Variants in PARD3B observed in about 807,000 individuals in gnomAD.
PARD3B encodes the protein partitioning defective 3 homolog B.
Under a neutral mutation model 130.2 loss-of-function variants are expected in PARD3B, and 103 were observed. The ratio of observed to expected loss-of-function variants is 0.79; its 90% CI spans 0.67 to 0.93. The LOEUF is 0.93. PARD3B is among the 40% of genes least tolerant of loss of function. The pLI is 0.00. For missense variants in PARD3B, 1,609 were observed against 1,499.2 expected, an observed-to-expected ratio of 1.07 and a Z score of -1.21; for synonymous variants, 583 against 553.2, an observed-to-expected ratio of 1.05 and a Z score of -0.76.
chr2:205,511,509 A>G (rs916029832), intron 21 of PARD3B, among the ~76,000 whole-genome samples: 7 of 152,204 alleles, frequency 4.6e-5, no homozygotes, highest in African/African-American at 1.7e-4. Context: ...CCAAATTCCA[A>G]CTTCTACAAT....
chr2:205,178,176 A>AAAAAAAG (rs1395415728), intron 13 of PARD3B, among the ~76,000 whole-genome samples: 1 of 145,914 alleles, frequency 6.9e-6, no homozygotes, highest in Non-Finnish European at 1.5e-5. Flanking sequence ...AAAAAAAAAA[A>AAAAAAAG]AATTAGTCTG....
At chr2:205,559,886 A>G (rs1347293680) in intron 22 of PARD3B, among the ~76,000 whole-genome samples, 2 of 152,178 alleles carry the variant, frequency 1.3e-5, no homozygotes, top group Non-Finnish European at 2.9e-5. Context: ...GGCGTGAGCC[A>G]CCGCACCCAG....
intron 3 of PARD3B, among the ~76,000 whole-genome samples, chr2:205,037,273 A>G (rs546733391): frequency 8.9e-4 from 130 of 145,344 alleles, no homozygotes; most frequent in African/African-American, 3.1e-3. Context: ...GACTATTTGT[A>G]TAAAATATAT....
At chr2:205,422,358 G>T (rs922781636) in intron 19 of PARD3B, among the ~76,000 whole-genome samples, 1 of 152,198 alleles carries the variant, frequency 6.6e-6, no homozygotes, top group African/African-American at 2.4e-5. Context: ...TTATCTAAGT[G>T]TTAAAGGAAG....
At chr2:205,006,286 C>T (rs1343882499) in intron 3 of PARD3B, among the ~76,000 whole-genome samples, 1 of 152,086 alleles carries the variant, frequency 6.6e-6, no homozygotes, top group East Asian at 1.9e-4. Context: ...TGTATATGTG[C>T]CTTTTTCATG....
rs2040595291 is a variant in PARD3B, at chr2:205,268,412, G to A, written c.2185+22590G>A. ...ACACTGAACAAAAGAATTGTTAGAG[G>A]TTTGAGGTAAAAGATCGTGGCAGAA... On this transcript the variant is annotated intron_variant, in intron 16 of 22. Transcript: ENST00000406610. The surrounding 1 kb of genome is among the most constrained non-coding windows in gnomAD (Gnocchi z 4.1). Among the ~76,000 whole-genome samples the A allele has an allele frequency of 6.6e-6, 1 of 152,162 alleles. No individual in the cohort carries two copies. The highest frequency in any genetic ancestry group is 1.5e-5 in the Non-Finnish European group (1 of 68,026).
chr2:205,086,754 A>C (rs561550835), intron 4 of PARD3B, among the ~76,000 whole-genome samples: 8 of 152,204 alleles, frequency 5.3e-5, no homozygotes, highest in Non-Finnish European at 1.2e-4. Flanking sequence ...ATTTAGGGCC[A>C]GCCCCCTGCT....
At chr2:204,676,460 T>C (rs1201560161) in intron 1 of PARD3B, among the ~76,000 whole-genome samples, 1 of 151,988 alleles carries the variant, frequency 6.6e-6, no homozygotes, top group Non-Finnish European at 1.5e-5. Flanking sequence ...CAGCAGAGAT[T>C]TCCTCTTTCA....
intron 18 of PARD3B, among the ~76,000 whole-genome samples, chr2:205,347,434 T>C (rs1238618931): frequency 6.6e-6 from 1 of 152,248 alleles, no homozygotes; most frequent in Non-Finnish European, 1.5e-5. Context: ...CTAACCTTTA[T>C]ATGAATACCC....
chr2:205,020,855 G>A (rs369297002), intron 3 of PARD3B, among the ~76,000 whole-genome samples: 12 of 152,198 alleles, frequency 7.9e-5, no homozygotes, highest in African/African-American at 2.9e-4. Context: ...ATCAGAGACA[G>A]GCAAAGTCAA....
At position 205,327,319 on chromosome 2, in the gene PARD3B, C is replaced by T. The variant is rs534714988; in HGVS notation, c.2630+25618C>T. 3.9e-5 allele frequency among the ~76,000 whole-genome samples: 6 copies of T among 152,300 alleles called. No homozygotes were observed. In the East Asian group the frequency reaches 5.8e-4, roughly 15 times the overall value. On this transcript the variant is annotated intron_variant, in intron 18 of 22. Coordinates refer to ENST00000406610, the MANE Select transcript of PARD3B (RefSeq NM_001302769.2). ...TTCATTTTTATCGCTAACGGGGACA[C>T]ACCTGTTCCTAATGCTACCTAAGAT...
intron 2 of PARD3B, among the ~76,000 whole-genome samples, chr2:204,935,357 GTC>G (rs1559276014): frequency 4.3e-5 from 6 of 138,640 alleles, no homozygotes; most frequent in Non-Finnish European, 7.8e-5. Flanking sequence ...GTGAAACCCT[GTC>G]TCTACTAAAA....
intron 10 of PARD3B, among the ~76,000 whole-genome samples, chr2:205,152,022 C>T (rs1485143582): frequency 2.6e-5 from 4 of 152,126 alleles, no homozygotes; most frequent in Admixed American, 6.5e-5. Context: ...ACTTATGAAG[C>T]TTAGTTTGGC....
At chr2:204,667,658 G>T (rs1231477015) in intron 1 of PARD3B, among the ~76,000 whole-genome samples, 1 of 152,130 alleles carries the variant, frequency 6.6e-6, no homozygotes, top group Non-Finnish European at 1.5e-5. Context: ...TTGTGTGCAT[G>T]TGAATGTGTG....
Position 205,187,173 on chromosome 2 carries a change from A to C in PARD3B, c.2024+1310A>C, listed in dbSNP as rs979615454. Among the ~76,000 whole-genome samples, 2 of 152,214 alleles carry C rather than the reference A, an allele frequency of 1.3e-5. No individual in the cohort carries two copies. Among genetic ancestry groups the C allele is most frequent in the African/African-American group, 2.4e-5 (1 of 41,456 alleles). ...GGGAAAATACTATGGTAAAAGTGTC[A>C]TTTGAGCTGAACCCTAACTCATGAA... On this transcript the variant is annotated intron_variant, in intron 14 of 22. Transcript: ENST00000406610. The surrounding 1 kb of genome is among the most constrained non-coding windows in gnomAD (Gnocchi z 4.9).
intron 3 of PARD3B, among the ~76,000 whole-genome samples, chr2:204,980,171 C>T (rs1692541697): frequency 6.6e-6 from 1 of 152,182 alleles, no homozygotes; most frequent in Admixed American, 6.5e-5. Flanking sequence ...AGAACCCTAA[C>T]AGGCACTTCA....
rs1427261305 is a variant in PARD3B, at chr2:205,473,456, C to T, written c.3045-26440C>T. Reference sequence around the variant, plus strand: ...TAAATGTTAACTCTCTTATTAAGCTCCATTAAAGGGTTTTACAATACCAAA... The same window carrying T: ...TAAATGTTAACTCTCTTATTAAGCTTCATTAAAGGGTTTTACAATACCAAA... On this transcript the variant is annotated intron_variant, in intron 20 of 22. Transcript: ENST00000406610. This position sits in a 1 kb window ranked among gnomAD's most constrained non-coding sequence, Gnocchi z 4.9. 1.3e-5 allele frequency among the ~76,000 whole-genome samples: 2 copies of T among 151,822 alleles called. No individual in the cohort carries two copies. Among genetic ancestry groups the T allele is most frequent in the Admixed American group, 6.6e-5 (1 of 15,220 alleles).
chr2:205,512,221 T>C (rs538324712), intron 21 of PARD3B, among the ~76,000 whole-genome samples: 1 of 152,356 alleles, frequency 6.6e-6, no homozygotes, highest in East Asian at 1.9e-4. Context: ...TATTTCATTC[T>C]GAGCCTTGAA....
chr2:205,375,324 C>G (rs10202921), intron 18 of PARD3B, among the ~76,000 whole-genome samples: 12,899 of 152,144 alleles, frequency 0.085, 1,749 homozygotes, highest in African/African-American at 0.29. Context: ...GAGATGAATA[C>G]TTCATTTATT....
Sources: gnomAD v4.1 joint callset for allele counts (sites outside exome capture counted in the v4.1 genomes callset) on GRCh38, gnomAD v4.1.1 for gene constraint, Gnocchi (gnomAD v3.1) non-coding constraint, MANE v1.5 for transcripts, NCBI Gene and HGNC (gene_info 2026-07-23, HGNC 2026-07-21) for gene names.